NDUFS5: variants seen among roughly 807,000 people sequenced by gnomAD.
NDUFS5 encodes the protein NADH:ubiquinone oxidoreductase subunit S5.
Under a neutral mutation model 10.5 loss-of-function variants are expected in NDUFS5, and 7 were observed. That is an observed-to-expected ratio of 0.66 (90% CI 0.38 to 1.25). NDUFS5 has a LOEUF of 1.25. NDUFS5 is among the 50% of genes most tolerant of loss of function. The probability of loss-of-function intolerance (pLI) is 0.02; values close to 1 mark genes in which losing one functional copy is unlikely to be tolerated. For synonymous variants in NDUFS5, 38 were observed against 44.0 expected (o/e 0.86, Z 0.54); for missense variants, 148 against 140.7 (o/e 1.05, Z -0.26).
At position 39,034,398 on chromosome 1, in the gene NDUFS5, C is replaced by T. The variant is rs780892675; in HGVS notation, c.223C>T (p.Arg75Cys). ...TACCATTTTCCTTTGACAGATGAGA[C>T]GTGCAGGTACCATCAGGAAGCAGCG... is the stretch of plus-strand genomic sequence containing the variant. ...ECLLRQKTMR[R>C]AGTIRKQRDK... The change falls in exon 3 of 3, where the codon CGT becomes TGT. Residue 75 changes from arginine (R) to cysteine (C), a missense_variant. By Grantham distance (180) the Arg-to-Cys change is radical. Transcript: ENST00000372969. 6.2e-6 allele frequency: 10 copies of T among 1,612,886 alleles called. No individual in the cohort carries two copies. The highest frequency in any genetic ancestry group is 8.5e-6 in the Non-Finnish European group (10 of 1,179,256).
At chr1:39,027,488 C>T (rs1644157842) in intron 1 of NDUFS5, among the ~76,000 whole-genome samples, 2 of 150,776 alleles carry the variant, frequency 1.3e-5, no homozygotes, top group South Asian at 4.2e-4. Context: ...TGTGTTTTTA[C>T]ATTTAACATT....
chr1:39,033,466 G>A lies in NDUFS5; in HGVS notation c.217-926G>A, dbSNP rs183209404. Among the ~76,000 whole-genome samples the A allele has an allele frequency of 2.3e-4, 35 of 150,842 alleles. No homozygotes were observed. The South Asian group carries it at 2.9e-3, about 13-fold the overall frequency. On this transcript the variant is annotated intron_variant, in intron 2 of 2. Coordinates refer to ENST00000372969, the MANE Select transcript of NDUFS5 (RefSeq NM_004552.3). Reference sequence around the variant, plus strand: ...CGGGCGCCTGTAGTCCCAGCGACTCGGGAGGCTGAGGCAGGAGAATGGCGC... The same window carrying A: ...CGGGCGCCTGTAGTCCCAGCGACTCAGGAGGCTGAGGCAGGAGAATGGCGC...
chr1:39,034,532 C>G lies in NDUFS5; in HGVS notation c.*36C>G. Reference sequence around the variant, plus strand: ...TGCTGATGTCTGGAGGCTGATTTTCCTGTTCTCTGTTCTCCACTGGAAAGG... The same window carrying G: ...TGCTGATGTCTGGAGGCTGATTTTCGTGTTCTCTGTTCTCCACTGGAAAGG... On this transcript the variant is annotated 3_prime_UTR_variant, in exon 3 of 3. Coordinates refer to ENST00000372969, the MANE Select transcript of NDUFS5 (RefSeq NM_004552.3). 6.4e-7 allele frequency: 1 copy of G among 1,557,952 alleles called. No homozygotes were observed. The highest frequency in any genetic ancestry group is 8.9e-7 in the Non-Finnish European group (1 of 1,129,776).
intron 2 of NDUFS5, among the ~76,000 whole-genome samples, chr1:39,029,298 TGGGATTACTCTTAA>T (rs1644174575): frequency 1.3e-5 from 2 of 151,948 alleles, no homozygotes; most frequent in South Asian, 4.1e-4. Context: ...TGGCCTCCTC[TGGGATTACTCTTAA>T]GTGTTTTTAG....
chr1:39,030,415 A>AAAAAAGAAAAT, intron 2 of NDUFS5, among the ~76,000 whole-genome samples: 2 of 147,706 alleles, frequency 1.4e-5, no homozygotes, highest in East Asian at 4.0e-4. Context: ...AAGAAAAAAA[A>AAAAAAGAAAAT]AAAAAAGATG....
At chr1:39,027,121 T>G (rs1644154198) in intron 1 of NDUFS5, among the ~76,000 whole-genome samples, 1 of 152,124 alleles carries the variant, frequency 6.6e-6, no homozygotes, top group East Asian at 1.9e-4. Context: ...CAGGCTGGAG[T>G]GCAGAGTGGC....
intron 2 of NDUFS5, among the ~76,000 whole-genome samples, chr1:39,029,671 C>A (rs1644176581): frequency 6.6e-6 from 1 of 152,228 alleles, no homozygotes; most frequent in African/African-American, 2.4e-5. Context: ...AAATCCATTA[C>A]ATTCAACATC....
At chr1:39,027,739 C>CTT (rs1162808002) in intron 1 of NDUFS5, among the ~76,000 whole-genome samples, 2 of 43,368 alleles carry the variant, frequency 4.6e-5, no homozygotes, top group African/African-American at 7.9e-5. Flanking sequence ...CCACAAGTGC[C>CTT]TTTTTTTTTT....
At chr1:39,030,767 C>A (rs900145641) in intron 2 of NDUFS5, among the ~76,000 whole-genome samples, 3 of 151,448 alleles carry the variant, frequency 2.0e-5, no homozygotes. Flanking sequence ...TAAATTGATA[C>A]CAACAGGAGG....
intron 1 of NDUFS5, among the ~76,000 whole-genome samples, chr1:39,027,943 G>A (rs1357333038): frequency 2.1e-5 from 3 of 145,404 alleles, no homozygotes; most frequent in Non-Finnish European, 3.0e-5. Context: ...TCAGCCTCCC[G>A]AATAGTTGGG....
chr1:39,029,278 CCA>C (rs1295528006), intron 2 of NDUFS5, among the ~76,000 whole-genome samples: 1 of 152,138 alleles, frequency 6.6e-6, no homozygotes, highest in Non-Finnish European at 1.5e-5. Context: ...CAGGCATGAG[CCA>C]CCGTGCCTGG....
At chr1:39,030,046 G>A (rs974192262) in intron 2 of NDUFS5, among the ~76,000 whole-genome samples, 1 of 151,854 alleles carries the variant, frequency 6.6e-6, no homozygotes, top group African/African-American at 2.4e-5. Flanking sequence ...AGCCGAGATC[G>A]TGCCACCGCA....
At position 39,033,647 on chromosome 1, in the gene NDUFS5, G is replaced by A. The variant is rs190911153; in HGVS notation, c.217-745G>A. Among the ~76,000 whole-genome samples, 887 of 146,642 alleles carry A rather than the reference G, an allele frequency of 6.0e-3. 8 individuals carry two copies. The highest frequency in any genetic ancestry group is 0.01 in the Non-Finnish European group (679 of 66,620). ...CTCCTGAGTAGCTGGGACCACAGGC[G>A]CGCGCCACCACGCCTGGCTAATTTT... On this transcript the variant is annotated intron_variant, in intron 2 of 2. Transcript: ENST00000372969.
chr1:39,028,798 A>G lies in NDUFS5; in HGVS notation c.74A>G (p.Gln25Arg). ...TGGTTGACAATCCAGAGTGGTGAAC[A>G]GCCCTACAAGATGGCTGGTCGATGC... ...DRWLTIQSGE[Q>R]PYKMAGRCHA... Residue 25 changes from glutamine (Q) to arginine (R), a missense_variant, in exon 2 of 3, where the codon CAG (glutamine) becomes CGG (arginine). Gln to Arg is a conservative substitution (Grantham distance 43). Transcript: ENST00000372969. 2 of 1,614,182 alleles carry G rather than the reference A, an allele frequency of 1.2e-6. No homozygotes were observed. The highest frequency in any genetic ancestry group is 1.7e-6 in the Non-Finnish European group (2 of 1,180,028).
chr1:39,029,310 T>TA (rs1166892786), intron 2 of NDUFS5, among the ~76,000 whole-genome samples: 1 of 152,002 alleles, frequency 6.6e-6, no homozygotes, highest in African/African-American at 2.4e-5. Context: ...GGATTACTCT[T>TA]AAGTGTTTTT....
chr1:39,034,396 G>A lies in NDUFS5; in HGVS notation c.221G>A (p.Arg74Lys), dbSNP rs1644214053. ...VECLLRQKTM[R>K]RAGTIRKQRD... ...ATTACCATTTTCCTTTGACAGATGA[G>A]ACGTGCAGGTACCATCAGGAAGCAG... The change falls in exon 3 of 3, where the codon AGA (arginine) becomes AAA (lysine). Residue 74 changes from arginine (R) to lysine (K), a missense_variant. Transcript: ENST00000372969. 1 of 1,612,840 alleles carries A rather than the reference G, an allele frequency of 6.2e-7. No homozygotes were observed. Among genetic ancestry groups the A allele is most frequent in the African/African-American group, 1.3e-5 (1 of 74,848 alleles).
At chr1:39,031,862 CTA>C (rs1221188422) in intron 2 of NDUFS5, among the ~76,000 whole-genome samples, 2 of 152,112 alleles carry the variant, frequency 1.3e-5, no homozygotes, top group East Asian at 3.8e-4. Context: ...CACAACAATC[CTA>C]TGAGATGAGT....
intron 2 of NDUFS5, among the ~76,000 whole-genome samples, chr1:39,030,329 TGA>T: frequency 6.7e-6 from 1 of 148,236 alleles, no homozygotes; most frequent in East Asian, 2.0e-4. Context: ...CGCCTGAAAC[TGA>T]GAGGCAGAGG....
chr1:39,030,363 C>A (rs998364430), intron 2 of NDUFS5, among the ~76,000 whole-genome samples: 24 of 150,088 alleles, frequency 1.6e-4, no homozygotes, highest in African/African-American at 5.9e-4. Context: ...TGAGAACACA[C>A]CACTGCACTC....
Sources: gnomAD v4.1 joint callset for allele counts (sites outside exome capture counted in the v4.1 genomes callset) on GRCh38, gnomAD v4.1.1 for gene constraint, MANE v1.5 for transcripts, NCBI Gene and HGNC (gene_info 2026-07-23, HGNC 2026-07-21) for gene names.